Variants in GAS2 observed in about 807,000 individuals in gnomAD.
The protein encoded by GAS2 is growth arrest-specific protein 2.
In GAS2, 20 loss-of-function variants were observed where a neutral mutation model predicts 37.5. The observed-to-expected ratio is 0.53, with a 90% CI of 0.37 to 0.77. GAS2 has a LOEUF of 0.77. Ranked by LOEUF, GAS2 falls within the 30% of genes least tolerant of loss-of-function variation. GAS2 has a pLI of 0.00. For missense variants in GAS2, 336 were observed against 373.4 expected, an observed-to-expected ratio of 0.90 and a Z score of 0.82; for synonymous variants, 144 against 132.2, an observed-to-expected ratio of 1.09 and a Z score of -0.61.
chr11:22,659,144 T>C (rs539223168), intron 1 of GAS2, among the ~76,000 whole-genome samples: 10 of 152,304 alleles, frequency 6.6e-5, no homozygotes, highest in African/African-American at 2.4e-4. Flanking sequence ...TTATTTTGGG[T>C]ATGTCCATGA....
At chr11:22,679,957 A>G (rs1157649083) in intron 2 of GAS2, among the ~76,000 whole-genome samples, 1 of 152,186 alleles carries the variant, frequency 6.6e-6, no homozygotes, top group South Asian at 2.1e-4. Flanking sequence ...AAGAAAATGC[A>G]GTTATTTTCC....
At chr11:22,643,201 GACA>G (rs1848650774) in intron 1 of GAS2, among the ~76,000 whole-genome samples, 2 of 151,966 alleles carry the variant, frequency 1.3e-5, no homozygotes, top group Non-Finnish European at 2.9e-5. Context: ...AAGTCTACCA[GACA>G]ACATCTTGAA....
intron 5 of GAS2, among the ~76,000 whole-genome samples, chr11:22,740,367 A>C (rs2134240004): frequency 6.6e-6 from 1 of 152,330 alleles, no homozygotes; most frequent in Non-Finnish European, 1.5e-5. Context: ...TTCCATAAGG[A>C]TTAAGATAAC....
chr11:22,632,950 C>G (rs368985716), intron 1 of GAS2, among the ~76,000 whole-genome samples: 1 of 151,544 alleles, frequency 6.6e-6, no homozygotes, highest in East Asian at 1.9e-4. Flanking sequence ...GGAAATCTTT[C>G]ATTCATAACC....
intron 3 of GAS2, among the ~76,000 whole-genome samples, chr11:22,724,393 C>A (rs577922120): frequency 5.5e-4 from 83 of 152,018 alleles, no homozygotes; most frequent in African/African-American, 2.0e-3. Flanking sequence ...AGTGTTGCAA[C>A]AAATATACTT....
intron 3 of GAS2, among the ~76,000 whole-genome samples, chr11:22,725,699 C>T (rs574034249): frequency 1.3e-5 from 2 of 152,230 alleles, no homozygotes; most frequent in East Asian, 3.9e-4. Context: ...GCTGGGATTA[C>T]AGGCATGAGC....
intron 4 of GAS2, 57 bp from the exon 5 acceptor site, chr11:22,737,648 T>C: frequency 6.6e-7 from 1 of 1,514,052 alleles, no homozygotes; most frequent in Non-Finnish European, 9.2e-7. Flanking sequence ...AAGCCTGTGC[T>C]GTTGAGCTGC....
chr11:22,676,429 TAA>T (rs1849432291), intron 2 of GAS2, among the ~76,000 whole-genome samples: 1 of 152,108 alleles, frequency 6.6e-6, no homozygotes, highest in Non-Finnish European at 1.5e-5. Flanking sequence ...TAGTGGAAAA[TAA>T]AAGTTAAGAG....
chr11:22,657,134 A>C (rs1405798760), intron 1 of GAS2, among the ~76,000 whole-genome samples: 1 of 152,204 alleles, frequency 6.6e-6, no homozygotes, highest in Non-Finnish European at 1.5e-5. Context: ...AGACTTCTTC[A>C]TCTCTTACTG....
chr11:22,700,442 C>T (rs969563590), intron 3 of GAS2, among the ~76,000 whole-genome samples: 5 of 151,962 alleles, frequency 3.3e-5, no homozygotes, highest in African/African-American at 1.2e-4. Context: ...CTTTTCCAGT[C>T]GTAAAGACGG....
intron 7 of GAS2, among the ~76,000 whole-genome samples, chr11:22,773,901 A>T (rs1855117732): frequency 6.6e-6 from 1 of 152,166 alleles, no homozygotes; most frequent in Admixed American, 6.5e-5. Flanking sequence ...CTAGTGAGGG[A>T]GGCATCGATA....
chr11:22,759,232 T>C (rs1431110533), intron 7 of GAS2, among the ~76,000 whole-genome samples: 1 of 152,200 alleles, frequency 6.6e-6, no homozygotes, highest in African/African-American at 2.4e-5. Flanking sequence ...AGCATATGTC[T>C]TGTCTGTGGG....
intron 3 of GAS2, among the ~76,000 whole-genome samples, chr11:22,706,147 T>G (rs1025591704): frequency 6.6e-6 from 1 of 152,160 alleles, no homozygotes; most frequent in Non-Finnish European, 1.5e-5. Context: ...ATTAACATTT[T>G]AAACAGAAGC....
At chr11:22,764,561 CA>C (rs71311297) in intron 7 of GAS2, among the ~76,000 whole-genome samples, 133 of 61,630 alleles carry the variant, frequency 2.2e-3, no homozygotes, top group South Asian at 0.018. Context: ...GACTCCGTCT[CA>C]AAAAAAAAAA....
intron 7 of GAS2, among the ~76,000 whole-genome samples, chr11:22,779,720 A>G (rs527624708): frequency 6.6e-6 from 1 of 152,082 alleles, no homozygotes; most frequent in African/African-American, 2.4e-5. Flanking sequence ...AAACAAAAAA[A>G]AAAACCAAAC....
intron 7 of GAS2, among the ~76,000 whole-genome samples, chr11:22,792,123 G>C (rs1856195273): frequency 6.6e-6 from 1 of 152,204 alleles, no homozygotes; most frequent in Admixed American, 6.5e-5. Context: ...GTGGCTGAGG[G>C]ATCCACATAG....
intron 7 of GAS2, among the ~76,000 whole-genome samples, chr11:22,772,826 T>C (rs559084079): frequency 1.3e-5 from 2 of 152,304 alleles, no homozygotes; most frequent in Admixed American, 1.3e-4. Flanking sequence ...ATGACAGCAT[T>C]GGCATTATCC....
At position 22,811,889 on chromosome 11, in the gene GAS2, T is replaced by C. The variant is rs1356704562; in HGVS notation, c.815T>C (p.Leu272Pro). 6.2e-7 allele frequency: 1 copy of C among 1,614,082 alleles called. No homozygotes were observed. The highest frequency in any genetic ancestry group is 1.3e-5 in the African/African-American group (1 of 74,940). ...TTGAAACACGACCCCTGCCGAATGC[T>C]GCAGATCTCCCGTGTGGATGGCAAA... ...YLLKHDPCRM[L>P]QISRVDGKTS... The change falls in exon 8 of 8, where the codon CTG becomes CCG. Residue 272 changes from leucine to proline, a missense_variant. By Grantham distance (98) the Leu-to-Pro change is moderately conservative (BLOSUM62 -3). Coordinates refer to ENST00000454584, the MANE Select transcript of GAS2 (RefSeq NM_001143830.3).
intron 7 of GAS2, among the ~76,000 whole-genome samples, chr11:22,786,023 A>C (rs990634478): frequency 2.0e-5 from 3 of 152,078 alleles, no homozygotes; most frequent in Admixed American, 1.3e-4. Flanking sequence ...TAGTTTTCTA[A>C]GGGGAGTTTT....
Sources: gnomAD v4.1 joint callset for allele counts (sites outside exome capture counted in the v4.1 genomes callset) on GRCh38, gnomAD v4.1.1 for gene constraint, MANE v1.5 for transcripts, NCBI Gene and HGNC (gene_info 2026-07-23, HGNC 2026-07-21) for gene names.